Variants in SLC9D1 observed in about 807,000 individuals in gnomAD.
The protein encoded by SLC9D1 is solute carrier family 9 member D1.
At chr13:113,528,608 G>A in the SLC9D1 span, 1 of 152,250 alleles carries the variant, frequency 6.6e-6, no homozygotes, top group African/African-American at 2.4e-5. Context: ...CCTACCTGGT[G>A]GACCGTGGGA....
At chr13:113,497,403 G>A in the SLC9D1 span, among the ~76,000 whole-genome samples, 1 of 150,746 alleles carries the variant, frequency 6.6e-6, no homozygotes, top group South Asian at 2.1e-4. Context: ...ACCTGCAGCT[G>A]TGTGAGACCT....
chr13:113,536,382 A>G, the SLC9D1 span: 113 of 194,484 alleles, frequency 5.8e-4, no homozygotes, highest in South Asian at 6.6e-3. Context: ...AAATTAACAA[A>G]AATTGTTTCT....
chr13:113,532,560 G>C, the SLC9D1 span, among the ~76,000 whole-genome samples: 1 of 152,260 alleles, frequency 6.6e-6, no homozygotes, highest in East Asian at 1.9e-4. Flanking sequence ...GAGGCCACTG[G>C]AGCTGTGGGG....
chr13:113,495,129 A>T, the SLC9D1 span, among the ~76,000 whole-genome samples: 2 of 152,232 alleles, frequency 1.3e-5, no homozygotes, highest in Non-Finnish European at 2.9e-5. Flanking sequence ...GCTTGGGATT[A>T]CAGGCATAAG....
the SLC9D1 span, chr13:113,500,256 A>T: frequency 1.7e-6 from 1 of 590,472 alleles, no homozygotes; most frequent in African/African-American, 1.9e-5. Context: ...CTTCTAGCAG[A>T]GATTTTACTA....
At chr13:113,501,684 C>T in the SLC9D1 span, 2 of 1,324,024 alleles carry the variant, frequency 1.5e-6, no homozygotes, top group East Asian at 2.3e-5. Flanking sequence ...TTCTGTGCCT[C>T]AGCCAGCCAG....
chr13:113,509,465 C>G, the SLC9D1 span, among the ~76,000 whole-genome samples: 1 of 151,530 alleles, frequency 6.6e-6, no homozygotes. Flanking sequence ...TTGGGACTGG[C>G]AGGCTTCTTG....
chr13:113,504,169 C>A, the SLC9D1 span: 1 of 152,346 alleles, frequency 6.6e-6, no homozygotes, highest in African/African-American at 2.4e-5. Flanking sequence ...ATGTAACAGG[C>A]ATTCTTGAAC....
chr13:113,500,317 C>G, the SLC9D1 span, among the ~76,000 whole-genome samples: 1 of 152,128 alleles, frequency 6.6e-6, no homozygotes, highest in East Asian at 1.9e-4. Context: ...AATTTCTAAT[C>G]TTTTTTTCTA....
the SLC9D1 span, among the ~76,000 whole-genome samples, chr13:113,520,246 G>C: frequency 6.6e-6 from 1 of 152,096 alleles, no homozygotes; most frequent in African/African-American, 2.4e-5. Flanking sequence ...AGCACTTTGG[G>C]AGGCCAGGGC....
chr13:113,517,663 C>T, the SLC9D1 span, among the ~76,000 whole-genome samples: 1 of 152,122 alleles, frequency 6.6e-6, no homozygotes, highest in South Asian at 2.1e-4. Context: ...TCAAAAACGG[C>T]AAGTCGCAGA....
At chr13:113,511,050 C>G in the SLC9D1 span, among the ~76,000 whole-genome samples, 3 of 131,396 alleles carry the variant, frequency 2.3e-5, no homozygotes, top group Non-Finnish European at 4.7e-5. Flanking sequence ...CAGTGGAAGC[C>G]GACTTGCTCG....
the SLC9D1 span, among the ~76,000 whole-genome samples, chr13:113,548,917 C>T: frequency 5.3e-3 from 802 of 152,230 alleles, 8 homozygotes; most frequent in African/African-American, 0.018. Flanking sequence ...GTGTTGAGTG[C>T]AGTGGAAGTA....
chr13:113,526,384 A>G, the SLC9D1 span, among the ~76,000 whole-genome samples: 1 of 152,210 alleles, frequency 6.6e-6, no homozygotes, highest in African/African-American at 2.4e-5. Context: ...AGTTACAGTA[A>G]GTTAAGGTTA....
chr13:113,527,559 C>T, the SLC9D1 span: 3 of 152,156 alleles, frequency 2.0e-5, no homozygotes, highest in African/African-American at 2.4e-5. Flanking sequence ...GTGCTTCTCT[C>T]GAAGGAATGA....
At chr13:113,499,226 G>C in the SLC9D1 span, among the ~76,000 whole-genome samples, 6 of 152,146 alleles carry the variant, frequency 3.9e-5, no homozygotes, top group Non-Finnish European at 5.9e-5. Context: ...ACGAGCAGAG[G>C]TCACTCTCAT....
chr13:113,539,477 T>C, the SLC9D1 span: 1 of 1,613,346 alleles, frequency 6.2e-7, no homozygotes, highest in African/African-American at 1.3e-5. The surrounding 1 kb of genome is among the most constrained non-coding windows in gnomAD (Gnocchi z 4.8). Flanking sequence ...CATCCGCGAC[T>C]TCCTGGCCAT....
At chr13:113,539,230 ACG>A in the SLC9D1 span, 20 of 872,044 alleles carry the variant, frequency 2.3e-5, no homozygotes, top group Non-Finnish European at 2.5e-5. The surrounding 1 kb of genome is among the most constrained non-coding windows in gnomAD (Gnocchi z 4.8). Context: ...AGACACACAC[ACG>A]CTCTGTTTGT....
chr13:113,513,874 G>A, the SLC9D1 span, among the ~76,000 whole-genome samples: 2 of 152,140 alleles, frequency 1.3e-5, no homozygotes, highest in Middle Eastern at 3.2e-3. Context: ...TTAATTTGAG[G>A]TGAGGAGTCC....
Sources: gnomAD v4.1 joint callset for allele counts (sites outside exome capture counted in the v4.1 genomes callset) on GRCh38, gnomAD v4.1.1 for gene constraint, Gnocchi (gnomAD v3.1) non-coding constraint, MANE v1.5 for transcripts, NCBI Gene and HGNC (gene_info 2026-07-23, HGNC 2026-07-21) for gene names.